Variants in CRADD observed in about 807,000 individuals in gnomAD.
CRADD encodes the protein death domain-containing protein CRADD.
CRADD carries 9 observed loss-of-function variants against 15.5 expected under a neutral mutation model. That is an observed-to-expected ratio of 0.58 (90% CI 0.35 to 1.01). The LOEUF is 1.01. Ranked by LOEUF, CRADD falls within the 50% of genes least tolerant of loss-of-function variation. The pLI, the probability that CRADD is intolerant of heterozygous loss-of-function variation, is 0.02. For missense variants in CRADD, 227 were observed against 250.3 expected, an observed-to-expected ratio of 0.91 and a Z score of 0.63; for synonymous variants, 118 against 107.6, an observed-to-expected ratio of 1.10 and a Z score of -0.60.
chr12:93,815,422 C>A (rs1957685236), intron 2 of CRADD: 1 of 152,174 alleles, frequency 6.6e-6, no homozygotes. Flanking sequence ...ATCTGAGCCT[C>A]CCTTGTCCTT....
chr12:93,793,149 G>A (rs1225088103), intron 2 of CRADD, among the ~76,000 whole-genome samples: 3 of 152,094 alleles, frequency 2.0e-5, no homozygotes, highest in Non-Finnish European at 2.9e-5. Flanking sequence ...AGACGTGCAC[G>A]GGGGATTATG....
intron 2 of CRADD, among the ~76,000 whole-genome samples, chr12:93,858,689 A>G (rs931265738): frequency 1.3e-5 from 2 of 152,194 alleles, no homozygotes; most frequent in Non-Finnish European, 2.9e-5. Context: ...AAGATGGGTC[A>G]TAGAAACTAG....
At chr12:93,685,641 A>G (rs1955410748) in intron 2 of CRADD, among the ~76,000 whole-genome samples, 1 of 152,216 alleles carries the variant, frequency 6.6e-6, no homozygotes, top group South Asian at 2.1e-4. Flanking sequence ...ATACCAAATT[A>G]TTTAGGAAAA....
chr12:93,746,022 A>C (rs542601876), intron 2 of CRADD, among the ~76,000 whole-genome samples: 1 of 152,350 alleles, frequency 6.6e-6, no homozygotes, highest in East Asian at 1.9e-4. Flanking sequence ...CTAGGAGAAA[A>C]ATAACCATGC....
intron 2 of CRADD, among the ~76,000 whole-genome samples, chr12:93,782,772 T>C (rs1957226610): frequency 6.6e-6 from 1 of 152,180 alleles, no homozygotes; most frequent in African/African-American, 2.4e-5. Flanking sequence ...TTTTATTGAG[T>C]TGGTGGTATT....
At chr12:93,771,316 C>G (rs1263948257) in intron 2 of CRADD, among the ~76,000 whole-genome samples, 1 of 152,216 alleles carries the variant, frequency 6.6e-6, no homozygotes, top group African/African-American at 2.4e-5. Context: ...AGGTTCCACT[C>G]TTGTGAACCT....
chr12:93,795,076 T>C (rs1345203918), intron 2 of CRADD, among the ~76,000 whole-genome samples: 1 of 152,148 alleles, frequency 6.6e-6, no homozygotes, highest in Non-Finnish European at 1.5e-5. Flanking sequence ...ATGTAAAGCA[T>C]TTGTGTTTAT....
intron 2 of CRADD, among the ~76,000 whole-genome samples, chr12:93,778,571 T>C (rs1957164808): frequency 6.6e-6 from 1 of 152,208 alleles, no homozygotes; most frequent in Non-Finnish European, 1.5e-5. Context: ...AAATACAATC[T>C]TTCTCTCATG....
intron 2 of CRADD, among the ~76,000 whole-genome samples, chr12:93,724,091 C>T (rs1274790683): frequency 2.0e-5 from 3 of 152,226 alleles, no homozygotes; most frequent in African/African-American, 7.2e-5. Context: ...AGTTTCTGCT[C>T]CAGGCCGGGT....
chr12:93,776,311 T>C (rs1957139730), intron 2 of CRADD, among the ~76,000 whole-genome samples: 1 of 152,246 alleles, frequency 6.6e-6, no homozygotes, highest in Admixed American at 6.5e-5. Flanking sequence ...TATAGCGATC[T>C]GCAAACTTGT....
intron 2 of CRADD, among the ~76,000 whole-genome samples, chr12:93,760,780 C>T (rs889215970): frequency 2.6e-5 from 4 of 152,078 alleles, no homozygotes; most frequent in Non-Finnish European, 5.9e-5. Context: ...AATCGCCTTA[C>T]TCTTCAGGTG....
chr12:93,864,498 T>C (rs1958346975), intron 2 of CRADD, among the ~76,000 whole-genome samples: 1 of 152,208 alleles, frequency 6.6e-6, no homozygotes, highest in African/African-American at 2.4e-5. Flanking sequence ...ATAAACATCA[T>C]TTATTTTGTT....
intron 2 of CRADD, among the ~76,000 whole-genome samples, chr12:93,870,789 TG>T (rs1306742389): frequency 6.6e-6 from 1 of 152,210 alleles, no homozygotes; most frequent in Non-Finnish European, 1.5e-5. Context: ...TTGAGTGGCA[TG>T]GGGGTTCTTC....
chr12:93,686,297 TC>T (rs139496631), intron 2 of CRADD, among the ~76,000 whole-genome samples: 133 of 87,272 alleles, frequency 1.5e-3, no homozygotes, highest in Middle Eastern at 7.5e-3. Flanking sequence ...TGAGACTCCA[TC>T]CCCCCCAAAA....
chr12:93,757,360 A>G (rs1956903041), intron 2 of CRADD, among the ~76,000 whole-genome samples: 1 of 152,226 alleles, frequency 6.6e-6, no homozygotes, highest in Non-Finnish European at 1.5e-5. Flanking sequence ...GGCTGCCCCA[A>G]GAGTCTCCAA....
At chr12:93,687,084 T>A (rs1464742280) in intron 2 of CRADD, among the ~76,000 whole-genome samples, 1 of 152,210 alleles carries the variant, frequency 6.6e-6, no homozygotes, top group East Asian at 1.9e-4. Context: ...TCTTCCTACC[T>A]CTGCAAGGCT....
At chr12:93,803,903 C>G (rs1872529) in intron 2 of CRADD, among the ~76,000 whole-genome samples, 64,152 of 151,896 alleles carry the variant, frequency 0.42, 14,115 homozygotes, top group East Asian at 0.69. Flanking sequence ...TGGATCAGAC[C>G]GATGCGATGT....
chr12:93,710,252 C>T (rs1956037230), intron 2 of CRADD, among the ~76,000 whole-genome samples: 1 of 151,982 alleles, frequency 6.6e-6, no homozygotes, highest in South Asian at 2.1e-4. Flanking sequence ...CATAATATCT[C>T]ATTTCCCCTG....
At chr12:93,765,257 G>C (rs1957015185) in intron 2 of CRADD, among the ~76,000 whole-genome samples, 1 of 152,142 alleles carries the variant, frequency 6.6e-6, no homozygotes, top group Non-Finnish European at 1.5e-5. Flanking sequence ...TATTCAGAGA[G>C]AGGTCAAGGG....
Sources: gnomAD v4.1 joint callset for allele counts (sites outside exome capture counted in the v4.1 genomes callset) on GRCh38, gnomAD v4.1.1 for gene constraint, MANE v1.5 for transcripts, NCBI Gene and HGNC (gene_info 2026-07-23, HGNC 2026-07-21) for gene names.